The following NACC2 variants were observed in gnomAD, a reference collection of about 807,000 sequenced individuals.
The protein encoded by NACC2 is nucleus accumbens-associated protein 2.
In NACC2, 8 loss-of-function variants were observed where a neutral mutation model predicts 25.1. The observed-to-expected ratio is 0.32, with a 90% confidence interval of 0.19 to 0.57. The LOEUF (loss-of-function observed/expected upper bound fraction) is 0.57. Among genes scored for constraint, NACC2 ranks in the 20% least tolerant of loss-of-function variants. The probability of loss-of-function intolerance (pLI) is 0.89; values close to 1 mark genes in which losing one functional copy is unlikely to be tolerated. For missense variants in NACC2, 644 were observed against 650.2 expected, an observed-to-expected ratio of 0.99 and a Z score of 0.10; for synonymous variants, 435 against 294.7, an observed-to-expected ratio of 1.48 and a Z score of -4.88.
Position 136,011,843 on chromosome 9 carries a change from G to T in NACC2, c.1437C>A (p.Leu479=). The part of the protein sequence containing the change: ...VMGSAAASVP[L]DPEFPPAAAQ... ...CCGCGGCAGGCGGGAACTCGGGGTC[G>T]AGGGGCACGCTGGCGGCGGCGGAGC... The change falls in exon 6 of 6, where the codon CTC becomes CTA. Residue 479 remains leucine (L), a synonymous_variant. Coordinates refer to ENST00000277554, the MANE Select transcript of NACC2 (RefSeq NM_144653.5). The T allele has an allele frequency of 1.3e-6, 2 of 1,565,376 alleles. No homozygotes were observed. The highest frequency in any genetic ancestry group is 2.4e-5 in the East Asian group (1 of 42,028).
chr9:136,039,624 C>T (rs1367778466), intron 2 of NACC2, among the ~76,000 whole-genome samples: 1 of 152,088 alleles, frequency 6.6e-6, no homozygotes, highest in African/African-American at 2.4e-5. Context: ...CACTGTAATA[C>T]AAAATGACCA....
At chr9:136,060,282 A>G (rs1385746417) in intron 1 of NACC2, among the ~76,000 whole-genome samples, 3 of 152,208 alleles carry the variant, frequency 2.0e-5, no homozygotes, top group Non-Finnish European at 2.9e-5. Context: ...AAGAGGGAAA[A>G]ACGGCGGAAG....
chr9:136,037,512 AT>A (rs34316222), intron 2 of NACC2, among the ~76,000 whole-genome samples: 11,017 of 143,452 alleles, frequency 0.077, 439 homozygotes, highest in East Asian at 0.14. Flanking sequence ...TTAAATTTTC[AT>A]TTTTTTTTTT....
rs144102100 is a variant in NACC2 at position 136,094,762 on chromosome 9, G to C, written c.-60+427C>G. ...GTGGGTACCTCCGCCCTGGCCCCGG[G>C]CCAGTCCTGCCCCGGCTTCCCCACC... is the stretch of plus-strand genomic sequence containing the variant. On this transcript the variant is annotated intron_variant, in intron 1 of 5. Transcript: ENST00000277554. Among the ~76,000 whole-genome samples the C allele has an allele frequency of 9.7e-4, 148 of 152,080 alleles. 1 individual carries two copies. The highest frequency in any genetic ancestry group is 1.2e-3 in the Non-Finnish European group (79 of 67,930).
In NACC2 at chr9:136,008,753, A is replaced by G. The variant is rs1840061554; in HGVS notation, c.*2763T>C. On this transcript the variant is annotated 3_prime_UTR_variant, in exon 6 of 6. Transcript: ENST00000277554. ...GGTACATTCAGGACGTGGAGGGAGC[A>G]CACAGCAGGTCCGCTCAGCAGCCAC... 1 of 152,366 alleles carries G rather than the reference A, an allele frequency of 6.6e-6. No individual in the cohort carries two copies. The highest frequency in any genetic ancestry group is 1.5e-5 in the Non-Finnish European group (1 of 68,138). 9.4% of individuals were successfully genotyped at this position (152,366 alleles called of 1,614,324 possible). A position where few individuals can be genotyped will look rare whatever the true frequency, so the allele number is the denominator to read the frequency against.
chr9:136,011,515 C>T lies in NACC2; in HGVS notation c.*1G>A, dbSNP rs1275518703. 2.9e-6 allele frequency: 4 copies of T among 1,382,114 alleles called. No homozygotes were observed. The highest frequency in any genetic ancestry group is 2.8e-4 in the Middle Eastern group (1 of 3,610). The allele number at this position is 1,382,114 out of a possible 1,614,324, so 85.6% of individuals were successfully genotyped here. A position where few individuals can be genotyped will look rare whatever the true frequency, so the allele number is the denominator to read the frequency against. On this transcript the variant is annotated 3_prime_UTR_variant, in exon 6 of 6. Coordinates refer to ENST00000277554, the MANE Select transcript of NACC2 (RefSeq NM_144653.5). ...TCCCTCGCGCAGCCACCCAGCTCCG[C>T]TTACAAGGTCCCTGCATAGGTGCCC... is the stretch of plus-strand genomic sequence containing the variant.
At chr9:136,015,524 C>T (rs1382237206) in intron 3 of NACC2, among the ~76,000 whole-genome samples, 2 of 152,178 alleles carry the variant, frequency 1.3e-5, no homozygotes, top group Non-Finnish European at 2.9e-5. Context: ...ACCTGAGGCA[C>T]TCGTCCTGCT....
intron 1 of NACC2, among the ~76,000 whole-genome samples, chr9:136,072,929 CAA>C (rs1830213606): frequency 1.3e-5 from 2 of 151,938 alleles, no homozygotes; most frequent in East Asian, 1.9e-4. Context: ...AAAAAACACA[CAA>C]GAGAATAAAA....
chr9:136,024,173 TGTGTGAGG>T (rs1840341872), intron 2 of NACC2, among the ~76,000 whole-genome samples: 2 of 77,022 alleles, frequency 2.6e-5, no homozygotes, highest in South Asian at 8.1e-4. Flanking sequence ...TGTGTGTGTG[TGTGTGAGG>T]ACGGAGTGTG....
At chr9:136,045,777 G>A (rs1840713561) in intron 2 of NACC2, among the ~76,000 whole-genome samples, 1 of 152,168 alleles carries the variant, frequency 6.6e-6, no homozygotes, top group East Asian at 1.9e-4. Context: ...GCTGTCATCT[G>A]CCCTGGGGTA....
At chr9:136,050,681 G>T (rs995624997) in intron 1 of NACC2, 101 bp from the exon 2 acceptor site, 25 of 637,646 alleles carry the variant, frequency 3.9e-5, no homozygotes, top group African/African-American at 3.8e-4. Context: ...GGCTTACAAA[G>T]AGCGAGCCTT....
chr9:136,060,632 C>T (rs1474633759), intron 1 of NACC2, among the ~76,000 whole-genome samples: 2 of 152,236 alleles, frequency 1.3e-5, no homozygotes, highest in African/African-American at 2.4e-5. Flanking sequence ...TGGCCAAGGC[C>T]GCACCCCAGC....
rs913472378 is a variant in NACC2, at chr9:136,085,137, A to ATTTTTTT, written c.-60+10045_-60+10051dup. ...AACATAGGAAGACTCCATTTCTACAATTTTTTTTTTTTTTTTTTTTTTTTT... is the reference window on the plus strand; with the variant it reads ...AACATAGGAAGACTCCATTTCTACAATTTTTTTTTTTTTTTTTTTTTTTTTTTTTTTT... On this transcript the variant is annotated intron_variant, in intron 1 of 5. Transcript: ENST00000277554. Among the ~76,000 whole-genome samples the ATTTTTTT allele has an allele frequency of 7.0e-4, 58 of 82,790 alleles. 8 individuals carry two copies. Among genetic ancestry groups the ATTTTTTT allele is most frequent in the East Asian group, 1.2e-3 (3 of 2,468 alleles). The allele number at this position is 82,790 out of a possible 152,430, so 54.3% of individuals were successfully genotyped here.
intron 5 of NACC2, 39 bp from the exon 6 acceptor site, chr9:136,012,063 G>T: frequency 6.8e-7 from 1 of 1,470,982 alleles, no homozygotes. Flanking sequence ...CCACCTGCCT[G>T]CCGGGAGGCC....
At chr9:136,017,644 C>T (rs749018104) in intron 2 of NACC2, among the ~76,000 whole-genome samples, 13 of 152,168 alleles carry the variant, frequency 8.5e-5, no homozygotes, top group Non-Finnish European at 1.3e-4. Flanking sequence ...TCACATGCCA[C>T]GGTGGACACC....
chr9:136,059,856 G>A (rs79306851), intron 1 of NACC2, among the ~76,000 whole-genome samples: 1,751 of 152,282 alleles, frequency 0.011, 36 homozygotes, highest in African/African-American at 0.039. Context: ...CTACCTCGCC[G>A]TCAAAAGGAC....
At chr9:136,094,584 C>T (rs1212068703) in intron 1 of NACC2, among the ~76,000 whole-genome samples, 1 of 152,182 alleles carries the variant, frequency 6.6e-6, no homozygotes, top group Non-Finnish European at 1.5e-5. Flanking sequence ...GAGCCCCCTC[C>T]CCCTGCGGCC....
chr9:136,043,914 C>G (rs1376481888), intron 2 of NACC2, among the ~76,000 whole-genome samples: 7 of 152,132 alleles, frequency 4.6e-5, no homozygotes, highest in African/African-American at 1.7e-4. Flanking sequence ...CAGCCTCTGC[C>G]TCCTTGTTCA....
intron 1 of NACC2, among the ~76,000 whole-genome samples, chr9:136,087,746 A>G (rs1344371964): frequency 1.3e-5 from 2 of 152,168 alleles, no homozygotes; most frequent in Non-Finnish European, 2.9e-5. Context: ...CCAAGAGAAC[A>G]CTTGCTCTCC....
Sources: allele counts gnomAD v4.1 joint callset (sites outside exome capture counted in the v4.1 genomes callset), GRCh38; gene constraint gnomAD v4.1.1; transcripts MANE v1.5; gene names NCBI Gene and HGNC (gene_info 2026-07-23, HGNC 2026-07-21).